The following SUSD6 variants were observed in gnomAD, a reference collection of about 807,000 sequenced individuals.
SUSD6 encodes sushi domain containing 6.
Under a neutral mutation model 28.4 loss-of-function variants are expected in SUSD6, and 16 were observed. That is an observed-to-expected ratio of 0.56 (90% CI 0.38 to 0.86). The LOEUF is 0.86. Ranked by LOEUF, SUSD6 falls within the 40% of genes least tolerant of loss-of-function variation. The probability of loss-of-function intolerance (pLI) is 0.00; values close to 1 mark genes in which losing one functional copy is unlikely to be tolerated. For synonymous variants in SUSD6, 147 were observed against 159.6 expected (o/e 0.92, Z 0.59); for missense variants, 341 against 384.2 (o/e 0.89, Z 0.94).
chr14:69,616,074 G>T (rs1566587151), intron 1 of SUSD6, among the ~76,000 whole-genome samples: 1 of 152,192 alleles, frequency 6.6e-6, no homozygotes. Flanking sequence ...AGGGAAGTTA[G>T]CCTGGGATTC....
chr14:69,699,193 T>C (rs1886276595), intron 2 of SUSD6, among the ~76,000 whole-genome samples: 1 of 152,168 alleles, frequency 6.6e-6, no homozygotes, highest in South Asian at 2.1e-4. Context: ...TTTCATGTGT[T>C]CTTTTTCTTT....
chr14:69,627,586 T>G (rs1885132579), intron 1 of SUSD6, among the ~76,000 whole-genome samples: 1 of 152,190 alleles, frequency 6.6e-6, no homozygotes, highest in Admixed American at 6.5e-5. Context: ...TGCCACAGCC[T>G]CCTGAGTAGC....
chr14:69,621,397 C>T (rs1885039249), intron 1 of SUSD6, among the ~76,000 whole-genome samples: 1 of 152,170 alleles, frequency 6.6e-6, no homozygotes. Flanking sequence ...CAAGTTCACC[C>T]TGTCTGGTGG....
At chr14:69,623,244 T>C (rs1885067390) in intron 1 of SUSD6, among the ~76,000 whole-genome samples, 1 of 152,196 alleles carries the variant, frequency 6.6e-6, no homozygotes, top group Admixed American at 6.5e-5. Flanking sequence ...AATACGAACA[T>C]GTGCATACAG....
At chr14:69,634,268 G>T (rs772359801) in intron 1 of SUSD6, among the ~76,000 whole-genome samples, 3 of 152,204 alleles carry the variant, frequency 2.0e-5, no homozygotes, top group Non-Finnish European at 4.4e-5. Context: ...AGGAGCAATG[G>T]TAAGCAGACC....
chr14:69,624,627 G>GT (rs1350561461), intron 1 of SUSD6, among the ~76,000 whole-genome samples: 1 of 151,942 alleles, frequency 6.6e-6, no homozygotes, highest in Non-Finnish European at 1.5e-5. Flanking sequence ...TAATTTTTTT[G>GT]TATTTTTAGT....
intron 3 of SUSD6, chr14:69,703,924 G>A (rs1008832700): frequency 2.6e-5 from 8 of 304,744 alleles, no homozygotes; most frequent in Non-Finnish European, 4.3e-5. Context: ...CTTCTCTAAT[G>A]TATCGTCCAT....
At position 69,713,430 on chromosome 14, in the gene SUSD6, C is replaced by G. The variant is rs1180670507; in HGVS notation, c.*2451C>G. ...GGCCCACTTCCCAGAGGCTCCTGGG[C>G]CTGTGAGTGCAGGAGCTCATTCTCC... On this transcript the variant is annotated 3_prime_UTR_variant, in exon 6 of 6. Coordinates refer to ENST00000342745, the MANE Select transcript of SUSD6 (RefSeq NM_014734.4). 6.6e-6 allele frequency: 1 copy of G among 152,268 alleles called. No individual in the cohort carries two copies. The highest frequency in any genetic ancestry group is 1.5e-5 in the Non-Finnish European group (1 of 68,086). The allele number at this position is 152,268 out of a possible 1,614,324, so 9.4% of individuals were successfully genotyped here.
Position 69,690,682 on chromosome 14 carries a change from C to T in SUSD6, c.122-12713C>T, listed in dbSNP as rs145461411. Among the ~76,000 whole-genome samples, 254 of 152,260 alleles carry T rather than the reference C, an allele frequency of 1.7e-3. 1 individual carries two copies. The highest frequency in any genetic ancestry group is 5.6e-3 in the African/African-American group (231 of 41,532). On this transcript the variant is annotated intron_variant, in intron 2 of 5. Transcript: ENST00000342745. ...AGAAGGCATGGCAAACTGCTTTTCC[C>T]GTGGTGGTCATTTGGGAGAAGGTGG...
At chr14:69,646,099 C>T (rs537288387) in intron 1 of SUSD6, among the ~76,000 whole-genome samples, 183 of 152,224 alleles carry the variant, frequency 1.2e-3, no homozygotes, top group Middle Eastern at 3.4e-3. Context: ...TTCACCACTC[C>T]GATAAAACTG....
intron 1 of SUSD6, among the ~76,000 whole-genome samples, chr14:69,619,051 G>A (rs1884998259): frequency 6.6e-6 from 1 of 152,184 alleles, no homozygotes; most frequent in Non-Finnish European, 1.5e-5. Context: ...GAGGTGAAAG[G>A]GCTAGTGGAG....
intron 2 of SUSD6, among the ~76,000 whole-genome samples, chr14:69,672,313 AT>A (rs533611171): frequency 2.6e-5 from 4 of 151,110 alleles, no homozygotes; most frequent in South Asian, 2.1e-4. Flanking sequence ...GATCATTAAA[AT>A]TTTTTTTTTC....
chr14:69,711,172 G>T lies in SUSD6; in HGVS notation c.*193G>T. 1.7e-6 allele frequency: 1 copy of T among 593,576 alleles called. No individual in the cohort carries two copies. The highest frequency in any genetic ancestry group is 2.0e-5 in the South Asian group (1 of 49,230). 36.8% of individuals were successfully genotyped at this position (593,576 alleles called of 1,614,324 possible). ...CAAGGAAGATTCTCGCCATCTGCCT[G>T]TTGGACAGCTGGAGGAGCTGGCTCT... On this transcript the variant is annotated 3_prime_UTR_variant, in exon 6 of 6. Coordinates refer to ENST00000342745, the MANE Select transcript of SUSD6 (RefSeq NM_014734.4).
At chr14:69,693,280 T>G (rs1383411294) in intron 2 of SUSD6, among the ~76,000 whole-genome samples, 1 of 151,942 alleles carries the variant, frequency 6.6e-6, no homozygotes, top group African/African-American at 2.4e-5. Flanking sequence ...GTGGTAACAG[T>G]GGGAGGGGGA....
At chr14:69,622,635 G>A (rs574522369) in intron 1 of SUSD6, among the ~76,000 whole-genome samples, 4 of 151,898 alleles carry the variant, frequency 2.6e-5, no homozygotes, top group East Asian at 1.9e-4. Context: ...ACTCTGTTGC[G>A]CAGGCTGGAG....
chr14:69,639,172 C>T (rs1885310766), intron 1 of SUSD6, among the ~76,000 whole-genome samples: 1 of 151,770 alleles, frequency 6.6e-6, no homozygotes, highest in Admixed American at 6.6e-5. Context: ...ACTAAAAATA[C>T]AAAAAATTAG....
chr14:69,667,388 TTTTTTTGAGACGGAGTCTCGCTC>T (rs1885758543), intron 2 of SUSD6, among the ~76,000 whole-genome samples: 1 of 145,512 alleles, frequency 6.9e-6, no homozygotes, highest in Non-Finnish European at 1.5e-5. Context: ...TTTTTTTTTT[TTTTTTTGAGACGGAGTCTCGCTC>T]TGTCGCCCAG....
chr14:69,708,601 GC>G lies in SUSD6; in HGVS notation c.459-75del. 5 of 1,276,410 alleles carry G rather than the reference GC, an allele frequency of 3.9e-6. No individual in the cohort carries two copies. In the South Asian group the frequency reaches 4.5e-5, roughly 11 times the overall value. The allele number at this position is 1,276,410 out of a possible 1,614,324, so 79.1% of individuals were successfully genotyped here. A position where few individuals can be genotyped will look rare whatever the true frequency, so the allele number is the denominator to read the frequency against. On this transcript the variant is annotated intron_variant, in intron 4 of 5. Transcript: ENST00000342745. ...TAAGTGCTCAAAAATGGTGGCGGCT[GC>G]TATTATTATTATCATGCCTGTTTCT...
intron 1 of SUSD6, among the ~76,000 whole-genome samples, chr14:69,652,425 C>T (rs569783879): frequency 7.2e-5 from 11 of 152,076 alleles, no homozygotes; most frequent in African/African-American, 2.7e-4. Flanking sequence ...TGCACTCCAG[C>T]CTGGGCAACA....
Sources: allele counts gnomAD v4.1 joint callset (sites outside exome capture counted in the v4.1 genomes callset), GRCh38; gene constraint gnomAD v4.1.1; transcripts MANE v1.5; gene names NCBI Gene and HGNC (gene_info 2026-07-23, HGNC 2026-07-21).